The following C3orf70 variants were observed in gnomAD, a reference collection of about 807,000 sequenced individuals.
C3orf70 encodes the protein UPF0524 protein C3orf70.
C3orf70 carries 15 observed loss-of-function variants against 20.7 expected under a neutral mutation model. The observed-to-expected ratio is 0.72, with a 90% CI of 0.48 to 1.11. C3orf70 has a LOEUF of 1.11. Ranked by LOEUF, C3orf70 falls within the 50% of genes most tolerant of loss-of-function variation. The pLI is 0.00. For missense variants in C3orf70, 332 were observed against 317.6 expected, an observed-to-expected ratio of 1.05 and a Z score of -0.34; for synonymous variants, 161 against 125.7, an observed-to-expected ratio of 1.28 and a Z score of -1.88.
At chr3:185,106,634 C>T (rs114048236) in intron 1 of C3orf70, among the ~76,000 whole-genome samples, 1,653 of 152,308 alleles carry the variant, frequency 0.011, 37 homozygotes, top group African/African-American at 0.038. Context: ...CATTCTAAAC[C>T]GGGGCCTTTC....
chr3:185,083,138 C>G lies in C3orf70; in HGVS notation c.622G>C (p.Glu208Gln). 1.9e-6 allele frequency: 3 copies of G among 1,614,208 alleles called. No individual in the cohort carries two copies. Among genetic ancestry groups the G allele is most frequent in the East Asian group, 2.2e-5 (1 of 44,888 alleles). Residue 208 changes from glutamate to glutamine, a missense_variant, in exon 2 of 2, where the codon GAA becomes CAA. Coordinates refer to ENST00000335012, the MANE Select transcript of C3orf70 (RefSeq NM_001025266.3). The part of the protein sequence containing the change: ...HYVESCDEDT[E>Q]EGAELSSEED... ...TCTGAACTCAGTTCTGCTCCTTCTTCTGTGTCCTCGTCACACGATTCCACA... is the reference window on the plus strand; with the variant it reads ...TCTGAACTCAGTTCTGCTCCTTCTTGTGTGTCCTCGTCACACGATTCCACA...
chr3:185,095,735 C>CTTTT (rs756180408), intron 1 of C3orf70, among the ~76,000 whole-genome samples: 2 of 127,548 alleles, frequency 1.6e-5, no homozygotes, highest in African/African-American at 2.8e-5. Flanking sequence ...CATTCTGAAA[C>CTTTT]TTTTTTTTTT....
chr3:185,081,596 C>T lies in C3orf70; in HGVS notation c.*1411G>A, dbSNP rs1715338439. 1 of 152,112 alleles carries T rather than the reference C, an allele frequency of 6.6e-6. No individual in the cohort carries two copies. The highest frequency in any genetic ancestry group is 1.5e-5 in the Non-Finnish European group (1 of 68,018). 9.4% of individuals were successfully genotyped at this position (152,112 alleles called of 1,614,324 possible). ...AAAATTTCCAGGATTTGAAACTATG[C>T]CTCATGGATAGAAGGTTTGGAGAAA... is the stretch of plus-strand genomic sequence containing the variant. On this transcript the variant is annotated 3_prime_UTR_variant, in exon 2 of 2. Transcript: ENST00000335012.
chr3:185,124,755 A>C (rs1223814353), intron 1 of C3orf70, among the ~76,000 whole-genome samples: 1 of 152,224 alleles, frequency 6.6e-6, no homozygotes, highest in African/African-American at 2.4e-5. Context: ...GACTGGGAGA[A>C]AATATTTGCA....
At position 185,077,312 on chromosome 3, in the gene C3orf70, A is replaced by G. The variant is rs150152519; in HGVS notation, c.*5695T>C. 2.0e-5 allele frequency among the ~76,000 whole-genome samples: 3 copies of G among 152,250 alleles called. No individual in the cohort carries two copies. In the East Asian group the frequency reaches 5.8e-4, roughly 29 times the overall value. On this transcript the variant is annotated 3_prime_UTR_variant, in exon 2 of 2. Coordinates refer to ENST00000335012, the MANE Select transcript of C3orf70 (RefSeq NM_001025266.3). ...ACAATGGGCCAAGAGTGCGGACTCT[A>G]GAGCCAAAGTGACCGGGTTCAAACC... is the stretch of plus-strand genomic sequence containing the variant.
At chr3:185,137,720 T>C (rs1716656461) in intron 1 of C3orf70, among the ~76,000 whole-genome samples, 1 of 152,096 alleles carries the variant, frequency 6.6e-6, no homozygotes, top group Non-Finnish European at 1.5e-5. Flanking sequence ...ATAAAACACA[T>C]AAAAATTTAT....
At chr3:185,120,470 A>C (rs963166927) in intron 1 of C3orf70, among the ~76,000 whole-genome samples, 1 of 152,226 alleles carries the variant, frequency 6.6e-6, no homozygotes, top group East Asian at 1.9e-4. Context: ...AATCTTCACA[A>C]TCTATACACC....
chr3:185,112,215 G>A (rs1716088505), intron 1 of C3orf70, among the ~76,000 whole-genome samples: 2 of 152,160 alleles, frequency 1.3e-5, no homozygotes, highest in African/African-American at 2.4e-5. Flanking sequence ...GCTTGAACCT[G>A]GGAGGCGGAG....
chr3:185,114,696 C>T (rs1716141640), intron 1 of C3orf70, among the ~76,000 whole-genome samples: 1 of 152,122 alleles, frequency 6.6e-6, no homozygotes. Flanking sequence ...TAGGGTTTTA[C>T]TGACTGAAAA....
intron 1 of C3orf70, among the ~76,000 whole-genome samples, chr3:185,097,899 T>C (rs1295669304): frequency 6.6e-6 from 1 of 152,224 alleles, no homozygotes; most frequent in Non-Finnish European, 1.5e-5. Flanking sequence ...GTTATGTGTG[T>C]AGAAACTTAC....
intron 1 of C3orf70, among the ~76,000 whole-genome samples, chr3:185,117,028 G>A (rs1171301855): frequency 2.0e-5 from 3 of 152,036 alleles, no homozygotes; most frequent in African/African-American, 7.2e-5. Flanking sequence ...TGATCCGCCC[G>A]CCTCAGCCTC....
At chr3:185,106,944 T>G (rs1317328167) in intron 1 of C3orf70, among the ~76,000 whole-genome samples, 1 of 152,178 alleles carries the variant, frequency 6.6e-6, no homozygotes, top group African/African-American at 2.4e-5. Context: ...GCCAGGACAG[T>G]GTATAGCACA....
intron 1 of C3orf70, among the ~76,000 whole-genome samples, chr3:185,103,427 G>A (rs1248663565): frequency 6.6e-6 from 1 of 151,934 alleles, no homozygotes; most frequent in Non-Finnish European, 1.5e-5. Flanking sequence ...ATACAGCATG[G>A]GAGAAGATTT....
intron 1 of C3orf70, among the ~76,000 whole-genome samples, chr3:185,146,031 G>GGAAGAACCTATCAGCTTTCTCTGTCTCTC (rs1561370554): frequency 6.6e-6 from 1 of 151,720 alleles, no homozygotes; most frequent in Non-Finnish European, 1.5e-5. Context: ...CTCTATCTCT[G>GGAAGAACCTATCAGCTTTCTCTGTCTCTC]GAAGAACCTA....
rs775514109 is a variant in C3orf70 at position 185,083,389 on chromosome 3, C to T, written c.371G>A (p.Cys124Tyr). 21 of 1,614,104 alleles carry T rather than the reference C, an allele frequency of 1.3e-5. No homozygotes were observed. Among genetic ancestry groups the T allele is most frequent in the Non-Finnish European group, 1.7e-5 (20 of 1,180,022 alleles). ...PPLPPDSPRY[C>Y]MISDLFIDNY... ...GTCAATAAAAAGGTCTGAAATCATA[C>T]AGTACCTCGGTGAGTCAGGGGGAAG... Residue 124 changes from cysteine (C) to tyrosine (Y), a missense_variant, in exon 2 of 2, where the codon TGT (cysteine) becomes TAT (tyrosine). Physicochemically the swap from Cys to Tyr is radical, Grantham distance 194. Coordinates refer to ENST00000335012, the MANE Select transcript of C3orf70 (RefSeq NM_001025266.3).
intron 1 of C3orf70, among the ~76,000 whole-genome samples, chr3:185,097,397 A>G (rs951024730): frequency 6.6e-6 from 1 of 152,240 alleles, no homozygotes; most frequent in African/African-American, 2.4e-5. Flanking sequence ...TATCTCAATA[A>G]TATCAAAAAT....
chr3:185,113,925 C>T (rs926077633), intron 1 of C3orf70, among the ~76,000 whole-genome samples: 4 of 152,132 alleles, frequency 2.6e-5, no homozygotes, highest in Admixed American at 1.3e-4. Flanking sequence ...ATGGGCCGGG[C>T]GTGGTGGCTC....
intron 1 of C3orf70, among the ~76,000 whole-genome samples, chr3:185,122,844 C>T (rs1038768157): frequency 1.3e-5 from 2 of 151,906 alleles, no homozygotes; most frequent in Non-Finnish European, 2.9e-5. Flanking sequence ...TTTTCTTCCG[C>T]TCCTTGGACA....
At chr3:185,117,345 G>A in intron 1 of C3orf70, among the ~76,000 whole-genome samples, 1 of 145,078 alleles carries the variant, frequency 6.9e-6, no homozygotes, top group Non-Finnish European at 1.5e-5. Context: ...TAAGATCTGT[G>A]AGAAATCTTT....
Sources: gnomAD v4.1 joint callset for allele counts (sites outside exome capture counted in the v4.1 genomes callset) on GRCh38, gnomAD v4.1.1 for gene constraint, MANE v1.5 for transcripts, NCBI Gene and HGNC (gene_info 2026-07-23, HGNC 2026-07-21) for gene names.